Variants in YAP1 observed in about 807,000 individuals in gnomAD.
YAP1 encodes transcriptional coactivator YAP1.
Under a neutral mutation model 56.9 loss-of-function variants are expected in YAP1, and 5 were observed. That is an observed-to-expected ratio of 0.09 (90% CI 0.05 to 0.18). YAP1 has a LOEUF of 0.18. YAP1 is among the 10% of genes least tolerant of loss of function. The probability of loss-of-function intolerance (pLI) is 1.00; values close to 1 mark genes in which losing one functional copy is unlikely to be tolerated. For missense variants in YAP1, 539 were observed against 651.8 expected, an observed-to-expected ratio of 0.83 and a Z score of 1.88; for synonymous variants, 265 against 248.1, an observed-to-expected ratio of 1.07 and a Z score of -0.64.
intron 2 of YAP1, among the ~76,000 whole-genome samples, chr11:102,126,708 A>G (rs138712948): frequency 6.6e-6 from 1 of 152,348 alleles, no homozygotes; most frequent in Non-Finnish European, 1.5e-5. Context: ...ATACCCAAAA[A>G]TTTGGAAGTG....
intron 1 of YAP1, chr11:102,112,635 T>C (rs1591093952): frequency 1.0e-6 from 1 of 984,988 alleles, no homozygotes; most frequent in South Asian, 4.7e-5. Context: ...GACCAAAGGG[T>C]TTTGGAACTC....
intron 3 of YAP1, among the ~76,000 whole-genome samples, chr11:102,184,374 T>C (rs57630982): frequency 0.042 from 6,361 of 152,254 alleles, 416 homozygotes; most frequent in African/African-American, 0.14. Context: ...AGGTTTGATA[T>C]ACATGTGATA....
intron 2 of YAP1, among the ~76,000 whole-genome samples, chr11:102,145,391 G>T (rs1307135830): frequency 1.3e-5 from 2 of 152,086 alleles, no homozygotes; most frequent in Admixed American, 1.3e-4. Flanking sequence ...AAGGAATTCT[G>T]GTATATCAGA....
At chr11:102,177,420 T>G (rs1947322934) in intron 3 of YAP1, among the ~76,000 whole-genome samples, 2 of 152,156 alleles carry the variant, frequency 1.3e-5, no homozygotes, top group African/African-American at 2.4e-5. Context: ...AAGTTACTGC[T>G]AAAACTTTGT....
chr11:102,220,964 T>C lies in YAP1; in HGVS notation c.1033-2658T>C, dbSNP rs145110895. On this transcript the variant is annotated intron_variant, in intron 6 of 8. Transcript: ENST00000282441. Reference sequence around the variant, plus strand: ...ATGAAGAGAAACACTGATCATCGTCTCAAAACATGACTTAAGATTTTAGAG... The same window carrying C: ...ATGAAGAGAAACACTGATCATCGTCCCAAAACATGACTTAAGATTTTAGAG... Among the ~76,000 whole-genome samples, 673 of 152,340 alleles carry C rather than the reference T, an allele frequency of 4.4e-3. 4 individuals carry two copies. Among genetic ancestry groups the C allele is most frequent in the African/African-American group, 0.015 (642 of 41,576 alleles).
intron 3 of YAP1, among the ~76,000 whole-genome samples, chr11:102,185,714 G>A (rs761204841): frequency 7.2e-5 from 11 of 152,054 alleles, no homozygotes; most frequent in Middle Eastern, 3.4e-3. Flanking sequence ...GCTCTTCCGT[G>A]TCTTATGTTA....
chr11:102,161,140 A>G (rs1386043464), intron 2 of YAP1, among the ~76,000 whole-genome samples: 1 of 144,034 alleles, frequency 6.9e-6, no homozygotes, highest in Non-Finnish European at 1.5e-5. Context: ...GGCTCACTGC[A>G]AGTTCCGCCT....
At chr11:102,161,345 TACACACACACACACACACAC>T (rs34552492) in intron 2 of YAP1, among the ~76,000 whole-genome samples, 2 of 141,146 alleles carry the variant, frequency 1.4e-5, no homozygotes, top group East Asian at 2.1e-4. Context: ...GTACTTTCAC[TACACACACACACACACACAC>T]ACACACACAC....
intron 4 of YAP1, among the ~76,000 whole-genome samples, chr11:102,188,142 A>G (rs1421387117): frequency 6.6e-6 from 1 of 152,164 alleles, no homozygotes; most frequent in Non-Finnish European, 1.5e-5. Context: ...TGCATAGTGG[A>G]TTATGTTTTA....
chr11:102,162,604 G>A (rs373195178), intron 3 of YAP1, 33 bp downstream of exon 3: 7 of 1,594,442 alleles, frequency 4.4e-6, no homozygotes, highest in Non-Finnish European at 6.0e-6. Flanking sequence ...AGCACATGGA[G>A]TAATGCTTAC....
chr11:102,150,759 T>G (rs1055515121), intron 2 of YAP1, among the ~76,000 whole-genome samples: 2 of 151,682 alleles, frequency 1.3e-5, no homozygotes, highest in Admixed American at 1.3e-4. Context: ...AAAAAATTTT[T>G]ACACATGCAA....
intron 4 of YAP1, among the ~76,000 whole-genome samples, chr11:102,192,137 T>G (rs1482612320): frequency 6.6e-6 from 1 of 152,170 alleles, no homozygotes; most frequent in Non-Finnish European, 1.5e-5. Flanking sequence ...TTAAGGAAAA[T>G]TCTAATGACC....
At chr11:102,175,528 T>C (rs971723135) in intron 3 of YAP1, among the ~76,000 whole-genome samples, 2 of 152,260 alleles carry the variant, frequency 1.3e-5, no homozygotes, top group African/African-American at 4.8e-5. Flanking sequence ...TAGTCATGTA[T>C]TGCTTAATGA....
chr11:102,146,975 C>G (rs896226732), intron 2 of YAP1, among the ~76,000 whole-genome samples: 1 of 152,156 alleles, frequency 6.6e-6, no homozygotes, highest in Non-Finnish European at 1.5e-5. Context: ...TAATGATTAG[C>G]ATTTAGAGAG....
At chr11:102,173,375 GC>G (rs1423479135) in intron 3 of YAP1, among the ~76,000 whole-genome samples, 1 of 152,040 alleles carries the variant, frequency 6.6e-6, no homozygotes, top group Non-Finnish European at 1.5e-5. Context: ...GGGGTCTTCT[GC>G]TATGGTTTTC....
intron 7 of YAP1, among the ~76,000 whole-genome samples, chr11:102,225,278 G>A (rs1254485340): frequency 6.6e-6 from 1 of 152,006 alleles, no homozygotes; most frequent in East Asian, 1.9e-4. Flanking sequence ...CCTGGGGTAA[G>A]AGTTCGAGAC....
At chr11:102,131,145 G>A (rs558538540) in intron 2 of YAP1, among the ~76,000 whole-genome samples, 2 of 152,118 alleles carry the variant, frequency 1.3e-5, no homozygotes, top group African/African-American at 4.8e-5. Flanking sequence ...CACATGGTTC[G>A]GGATAAAGTG....
intron 2 of YAP1, among the ~76,000 whole-genome samples, chr11:102,123,796 C>T (rs1376195119): frequency 2.6e-5 from 4 of 151,688 alleles, no homozygotes; most frequent in East Asian, 1.9e-4. Context: ...CCCACCACCG[C>T]GCCCAGCTAA....
At chr11:102,224,007 T>G (rs1009233914) in intron 7 of YAP1, among the ~76,000 whole-genome samples, 3 of 152,242 alleles carry the variant, frequency 2.0e-5, no homozygotes, top group African/African-American at 7.2e-5. Flanking sequence ...CTGCCTATAC[T>G]GTTGACTAAC....
Sources: allele counts gnomAD v4.1 joint callset (sites outside exome capture counted in the v4.1 genomes callset), GRCh38; gene constraint gnomAD v4.1.1; transcripts MANE v1.5; gene names NCBI Gene and HGNC (gene_info 2026-07-23, HGNC 2026-07-21).